Variants in FRMD1 observed in about 807,000 individuals in gnomAD.
The protein encoded by FRMD1 is FERM domain containing 1.
In FRMD1, 51 loss-of-function variants were observed where a neutral mutation model predicts 54.9. The ratio of observed to expected loss-of-function variants is 0.93; its 90% CI spans 0.74 to 1.17. The LOEUF is 1.17. Among genes scored for constraint, FRMD1 ranks in the 50% most tolerant of loss-of-function variants. The pLI is 0.00. For synonymous variants in FRMD1, 324 were observed against 306.4 expected, an observed-to-expected ratio of 1.06 and a Z score of -0.60; for missense variants, 729 against 743.0, an observed-to-expected ratio of 0.98 and a Z score of 0.22.
intron 10 of FRMD1, 185 bp from the exon 11 acceptor site, chr6:168,057,524 C>T: frequency 1.3e-6 from 1 of 793,010 alleles, no homozygotes. Context: ...AGAGGCTTGG[C>T]ATCTTCCTTT....
intron 1 of FRMD1, chr6:168,075,865 CCGG>C: frequency 4.6e-5 from 62 of 1,349,022 alleles, no homozygotes; most frequent in South Asian, 6.4e-5. Context: ...GTCCACATTT[CCGG>C]TGCCCGGTGT....
chr6:168,084,149 G>A (rs1405446507), upstream of FRMD1, among the ~76,000 whole-genome samples: 3 of 152,068 alleles, frequency 2.0e-5, no homozygotes, highest in Non-Finnish European at 4.4e-5. Context: ...GGAGAACCCC[G>A]TTTTCAGGGG....
At chr6:168,073,062 A>G (rs546180081) in intron 2 of FRMD1, among the ~76,000 whole-genome samples, 1 of 152,300 alleles carries the variant, frequency 6.6e-6, no homozygotes, top group South Asian at 2.1e-4. Context: ...GTGGACAAAC[A>G]TATTAACTGG....
At chr6:168,058,481 T>C (rs1290220606) in intron 10 of FRMD1, among the ~76,000 whole-genome samples, 1 of 151,608 alleles carries the variant, frequency 6.6e-6, no homozygotes, top group Non-Finnish European at 1.5e-5. Flanking sequence ...CCACAACCGA[T>C]TTTCTGTGTC....
intron 10 of FRMD1, 68 bp from the exon 11 acceptor site, chr6:168,057,407 A>G (rs2114941838): frequency 2.5e-6 from 4 of 1,572,136 alleles, no homozygotes; most frequent in Non-Finnish European, 3.4e-6. Flanking sequence ...CACGGCAGCC[A>G]CACTGCTTGT....
In FRMD1 at chr6:168,061,045, T is replaced by A; in HGVS notation, c.1058A>T (p.Tyr353Phe). 6.2e-7 allele frequency: 1 copy of A among 1,608,296 alleles called. No homozygotes were observed. The highest frequency in any genetic ancestry group is 8.5e-7 in the Non-Finnish European group (1 of 1,176,398). Reference sequence around the variant, plus strand: ...CTCATCGCTGATATAGGACTCCCGGTAGTGCTGCTTCTCTGTGGGGAGTGG... The same window carrying A: ...CTCATCGCTGATATAGGACTCCCGGAAGTGCTGCTTCTCTGTGGGGAGTGG... ...QREEAEEKQHYRESYISDELE... is the reference protein window; with the variant it reads ...QREEAEEKQHFRESYISDELE... Residue 353 changes from tyrosine to phenylalanine, a missense_variant, in exon 9 of 11, where the codon TAC becomes TTC. By Grantham distance (22) the Tyr-to-Phe change is conservative (BLOSUM62 3). Coordinates refer to ENST00000283309, the MANE Select transcript of FRMD1 (RefSeq NM_024919.6).
At chr6:168,085,189 C>T (rs935781335), upstream of FRMD1, among the ~76,000 whole-genome samples, 2 of 152,230 alleles carry the variant, frequency 1.3e-5, no homozygotes, top group Non-Finnish European at 2.9e-5. Flanking sequence ...GCAGGGGTGA[C>T]CTGGATCCTA....
chr6:168,075,869 TGCCCGGTGTCC>T, intron 1 of FRMD1: 15 of 1,311,428 alleles, frequency 1.1e-5, no homozygotes, highest in East Asian at 2.9e-5. Flanking sequence ...ACATTTCCGG[TGCCCGGTGTCC>T]ACATTTCCGG....
chr6:168,061,532 G>A (rs1175609602), intron 8 of FRMD1, among the ~76,000 whole-genome samples: 2 of 152,242 alleles, frequency 1.3e-5, no homozygotes, highest in Non-Finnish European at 2.9e-5. Context: ...ATGATGGGAG[G>A]AGAAGTGGAA....
intron 4 of FRMD1, 200 bp from the exon 5 acceptor site, chr6:168,065,257 C>T (rs1467404556): frequency 4.5e-6 from 6 of 1,335,776 alleles, no homozygotes; most frequent in Non-Finnish European, 4.8e-6. Flanking sequence ...GAGCGGGGCA[C>T]AGGTGACTTG....
chr6:168,072,319 T>A (rs1400326100), intron 2 of FRMD1, among the ~76,000 whole-genome samples: 4 of 152,186 alleles, frequency 2.6e-5, no homozygotes, highest in African/African-American at 9.6e-5. Context: ...CTGCTGTCTC[T>A]AGGTTTCGGG....
chr6:168,058,582 A>G (rs576514173), intron 10 of FRMD1, among the ~76,000 whole-genome samples: 125 of 152,218 alleles, frequency 8.2e-4, no homozygotes, highest in South Asian at 4.6e-3. Flanking sequence ...TGGGGAGGGC[A>G]ACTCGGAGCC....
chr6:168,075,642 G>A, intron 1 of FRMD1: 4 of 927,756 alleles, frequency 4.3e-6, no homozygotes, highest in Non-Finnish European at 6.8e-6. Context: ...AGGGACACAC[G>A]ATGCAGCGTC....
intron 1 of FRMD1, among the ~76,000 whole-genome samples, chr6:168,092,385 G>A (rs1801029331): frequency 6.6e-6 from 1 of 152,208 alleles, no homozygotes; most frequent in Non-Finnish European, 1.5e-5. Flanking sequence ...TCTCACGCGA[G>A]GGGGATGGTG....
At chr6:168,070,383 A>AG (rs1800247051) in intron 2 of FRMD1, among the ~76,000 whole-genome samples, 3 of 87,488 alleles carry the variant, frequency 3.4e-5, no homozygotes, top group South Asian at 4.4e-4. Context: ...GAGGGAGGGA[A>AG]GGAGGGAGGG....
chr6:168,075,225 G>A lies in FRMD1; in HGVS notation c.304+20C>T, dbSNP rs1159010616. 2.5e-6 allele frequency: 4 copies of A among 1,608,590 alleles called. No homozygotes were observed. The highest frequency in any genetic ancestry group is 3.4e-6 in the Non-Finnish European group (4 of 1,175,764). On this transcript the variant is annotated intron_variant, in intron 2 of 10. Coordinates refer to ENST00000283309, the MANE Select transcript of FRMD1 (RefSeq NM_024919.6). ...GCGGCCCCTGGGCATTCCTGCAGGT[G>A]GGGACTGAGCGATGCTTACTTCTGA... is the stretch of plus-strand genomic sequence containing the variant.
At chr6:168,066,910 G>A (rs1290653782) in intron 3 of FRMD1, 79 bp from the exon 4 acceptor site, 25 of 1,555,894 alleles carry the variant, frequency 1.6e-5, no homozygotes, top group South Asian at 4.8e-5. Context: ...AGTTGGGGGG[G>A]CCTGGATTGC....
At chr6:168,075,153 C>T in intron 2 of FRMD1, 92 bp downstream of exon 2, 1 of 1,009,608 alleles carries the variant, frequency 9.9e-7, no homozygotes, top group Non-Finnish European at 1.6e-6. Flanking sequence ...TAACTGTGTA[C>T]ATTATGGATG....
At chr6:168,078,379 C>T (rs1800683707) in intron 1 of FRMD1, among the ~76,000 whole-genome samples, 1 of 152,150 alleles carries the variant, frequency 6.6e-6, no homozygotes, top group Non-Finnish European at 1.5e-5. Context: ...TTTCTCACAG[C>T]AACGTCTATC....
Sources: allele counts gnomAD v4.1 joint callset (sites outside exome capture counted in the v4.1 genomes callset), GRCh38; gene constraint gnomAD v4.1.1; transcripts MANE v1.5; gene names NCBI Gene and HGNC (gene_info 2026-07-23, HGNC 2026-07-21).